ROR2: variants seen among roughly 807,000 people sequenced by gnomAD.
ROR2 encodes the protein ROR family WNT receptor 2, also known as tyrosine-protein kinase transmembrane receptor ROR2.
Under a neutral mutation model 74.9 loss-of-function variants are expected in ROR2, and 33 were observed. That is an observed-to-expected ratio of 0.44 (90% CI 0.33 to 0.59). The LOEUF (loss-of-function observed/expected upper bound fraction) is 0.59. ROR2 is among the 20% of genes least tolerant of loss of function. The pLI is 0.02. For missense variants in ROR2, 1,216 were observed against 1,313.8 expected (o/e 0.93, Z 1.15); for synonymous variants, 586 against 558.7 (o/e 1.05, Z -0.69).
At chr9:91,884,504 C>T (rs1295617172) in intron 1 of ROR2, among the ~76,000 whole-genome samples, 2 of 150,880 alleles carry the variant, frequency 1.3e-5, no homozygotes, top group African/African-American at 2.4e-5. Flanking sequence ...TTGCGGGGGG[C>T]CTTCTAGGTA....
chr9:91,874,596 A>G (rs1286906639), intron 1 of ROR2, among the ~76,000 whole-genome samples: 1 of 152,214 alleles, frequency 6.6e-6, no homozygotes, highest in African/African-American at 2.4e-5. Flanking sequence ...TCCCGTTGTC[A>G]TATGACTTCT....
At position 91,777,554 on chromosome 9, in the gene ROR2, C is replaced by T. The variant is rs111237351; in HGVS notation, c.98-1736G>A. 3.9e-3 allele frequency among the ~76,000 whole-genome samples: 588 copies of T among 152,202 alleles called. 5 individuals carry two copies. The highest frequency in any genetic ancestry group is 0.014 in the African/African-American group (574 of 41,540). On this transcript the variant is annotated intron_variant, in intron 1 of 8. Coordinates refer to ENST00000375708, the MANE Select transcript of ROR2 (RefSeq NM_004560.4). The stretch of plus-strand genomic sequence containing the variant: ...TGGTGTGTGAGACATAATTCACACA[C>T]TATAAAATTCACCATTTTAAAGTGT...
chr9:91,830,815 T>C (rs1394747394), intron 1 of ROR2, among the ~76,000 whole-genome samples: 2 of 133,396 alleles, frequency 1.5e-5, no homozygotes, highest in African/African-American at 2.7e-5. Context: ...TGTCCGTGTG[T>C]GTGTGTGTGT....
chr9:91,881,752 G>A (rs1830117667), intron 1 of ROR2, among the ~76,000 whole-genome samples: 1 of 152,182 alleles, frequency 6.6e-6, no homozygotes, highest in Non-Finnish European at 1.5e-5. Flanking sequence ...GACAAAACAA[G>A]ACCAGGGGAA....
chr9:91,819,623 G>A lies in ROR2; in HGVS notation c.98-43805C>T, dbSNP rs1372997655. Among the ~76,000 whole-genome samples, 3 of 151,918 alleles carry A rather than the reference G, an allele frequency of 2.0e-5. No homozygotes were observed. In the East Asian group the frequency reaches 5.8e-4, roughly 29 times the overall value. On this transcript the variant is annotated intron_variant, in intron 1 of 8. Coordinates refer to ENST00000375708, the MANE Select transcript of ROR2 (RefSeq NM_004560.4). ...TGTCTGTGTTTGTCTGTCTTTGAGT[G>A]AGTGTGTGTTGGTGTGTTTCTGTGT...
At chr9:91,800,715 CTGT>C (rs1382363555) in intron 1 of ROR2, among the ~76,000 whole-genome samples, 1 of 152,242 alleles carries the variant, frequency 6.6e-6, no homozygotes, top group Non-Finnish European at 1.5e-5. Flanking sequence ...CCACGCACTG[CTGT>C]TGTCCTCCCA....
chr9:91,785,823 G>A (rs887164010), intron 1 of ROR2, among the ~76,000 whole-genome samples: 15 of 152,310 alleles, frequency 9.8e-5, no homozygotes, highest in Non-Finnish European at 1.5e-4. Context: ...GAAATGCCCC[G>A]AAATTCTCCA....
chr9:91,935,407 C>A (rs1015197048), intron 1 of ROR2, among the ~76,000 whole-genome samples: 2 of 152,252 alleles, frequency 1.3e-5, no homozygotes, highest in Non-Finnish European at 2.9e-5. Flanking sequence ...CTGACACACC[C>A]TCCCAGGGCG....
chr9:91,924,411 C>A (rs979472447), intron 1 of ROR2, among the ~76,000 whole-genome samples: 1 of 152,264 alleles, frequency 6.6e-6, no homozygotes, highest in Non-Finnish European at 1.5e-5. Context: ...CTGCGTCCTC[C>A]TGTCCCAGGC....
chr9:91,742,648 T>C (rs1410637478), intron 4 of ROR2, among the ~76,000 whole-genome samples: 1 of 152,208 alleles, frequency 6.6e-6, no homozygotes, highest in Non-Finnish European at 1.5e-5. Context: ...AAAATCCTCA[T>C]CGCCTAGTGA....
At chr9:91,734,694 A>G (rs1824962150) in intron 5 of ROR2, among the ~76,000 whole-genome samples, 1 of 152,064 alleles carries the variant, frequency 6.6e-6, no homozygotes, top group Admixed American at 6.5e-5. Flanking sequence ...TCTGTACCTG[A>G]AGAGTGATTT....
At chr9:91,895,217 A>G (rs1040935390) in intron 1 of ROR2, among the ~76,000 whole-genome samples, 1 of 152,364 alleles carries the variant, frequency 6.6e-6, no homozygotes, top group African/African-American at 2.4e-5. Flanking sequence ...AGAAAAGGTA[A>G]AACTATGGAG....
intron 5 of ROR2, 108 bp downstream of exon 5, chr9:91,737,283 G>A: frequency 7.3e-7 from 1 of 1,377,028 alleles, no homozygotes; most frequent in Non-Finnish European, 1.0e-6. Context: ...AATGGAAGAG[G>A]CACCCACTGA....
chr9:91,818,623 T>A (rs1828025015), intron 1 of ROR2, among the ~76,000 whole-genome samples: 1 of 152,066 alleles, frequency 6.6e-6, no homozygotes, highest in Non-Finnish European at 1.5e-5. Flanking sequence ...ACAAAGGAAG[T>A]CCCTGGGACT....
At chr9:91,926,755 A>G (rs1041839488) in intron 1 of ROR2, among the ~76,000 whole-genome samples, 25 of 151,864 alleles carry the variant, frequency 1.6e-4, no homozygotes, top group Non-Finnish European at 3.1e-4. Flanking sequence ...GACAAACACT[A>G]TACGAGTCCA....
intron 1 of ROR2, among the ~76,000 whole-genome samples, chr9:91,835,101 C>A (rs1261611766): frequency 6.7e-6 from 1 of 150,286 alleles, no homozygotes; most frequent in Non-Finnish European, 1.5e-5. Context: ...CCTGCAGACA[C>A]AGCCCCTGCA....
intron 1 of ROR2, among the ~76,000 whole-genome samples, chr9:91,790,860 A>C (rs1368432202): frequency 6.6e-6 from 1 of 152,194 alleles, no homozygotes; most frequent in Non-Finnish European, 1.5e-5. Flanking sequence ...TTTTAGTTTT[A>C]AAAAACTGAA....
At chr9:91,758,819 G>C (rs1825833268) in intron 2 of ROR2, among the ~76,000 whole-genome samples, 1 of 152,232 alleles carries the variant, frequency 6.6e-6, no homozygotes, top group Non-Finnish European at 1.5e-5. Context: ...GCACATGTAT[G>C]TGTGTGCCTG....
intron 1 of ROR2, among the ~76,000 whole-genome samples, chr9:91,863,520 GAAAACA>G (rs986578583): frequency 1.1e-4 from 17 of 152,064 alleles, no homozygotes; most frequent in Admixed American, 5.9e-4. Context: ...TAAAAGAAAA[GAAAACA>G]AAAACAAAAA....
Sources: allele counts gnomAD v4.1 joint callset (sites outside exome capture counted in the v4.1 genomes callset), GRCh38; gene constraint gnomAD v4.1.1; transcripts MANE v1.5; gene names NCBI Gene and HGNC (gene_info 2026-07-23, HGNC 2026-07-21).